The following MAP3K5 variants were observed in gnomAD, a reference collection of about 807,000 sequenced individuals.
The protein encoded by MAP3K5 is ASK-1.
Under a neutral mutation model 158.7 loss-of-function variants are expected in MAP3K5, and 56 were observed. That is an observed-to-expected ratio of 0.35 (90% CI 0.28 to 0.44). MAP3K5 has a LOEUF of 0.44. MAP3K5 is among the 20% of genes least tolerant of loss of function. The pLI, the probability that MAP3K5 is intolerant of heterozygous loss-of-function variation, is 1.00. For synonymous variants in MAP3K5, 579 were observed against 601.7 expected, an observed-to-expected ratio of 0.96 and a Z score of 0.55; for missense variants, 1,294 against 1,674.8, an observed-to-expected ratio of 0.77 and a Z score of 3.97.
chr6:136,562,533 T>C lies in MAP3K5; in HGVS notation c.3844A>G (p.Lys1282Glu), dbSNP rs1830560264. 1.2e-6 allele frequency: 2 copies of C among 1,601,874 alleles called. No individual in the cohort carries two copies. ...RAIEEKDQEIKHLKLKSQPIE... is the reference protein window; with the variant it reads ...RAIEEKDQEIEHLKLKSQPIE... The stretch of plus-strand genomic sequence containing the variant: ...GGTTGGGACTTAAGCTTCAGGTGTT[T>C]AATTTCTTGGTCTTTTTCTTCAATA... Residue 1282 changes from lysine to glutamate, a missense_variant, in exon 27 of 30, where the codon AAA (lysine) becomes GAA (glutamate). Around this residue, in one of 5 missense-constraint regions of MAP3K5, gnomAD observed 199 missense variants for 220.3 expected, o/e 0.90. Transcript: ENST00000359015.
intron 1 of MAP3K5, among the ~76,000 whole-genome samples, chr6:136,744,267 A>C (rs1782837384): frequency 6.6e-6 from 1 of 152,104 alleles, no homozygotes. Flanking sequence ...GTGGGAGGGT[A>C]AGGAGTTTAT....
At chr6:136,617,610 A>G (rs1776620493) in intron 15 of MAP3K5, among the ~76,000 whole-genome samples, 1 of 152,122 alleles carries the variant, frequency 6.6e-6, no homozygotes, top group African/African-American at 2.4e-5. Flanking sequence ...GTTGTCTCTC[A>G]TATACAGCTG....
intron 1 of MAP3K5, among the ~76,000 whole-genome samples, chr6:136,753,654 A>C (rs951117479): frequency 6.6e-6 from 1 of 152,140 alleles, no homozygotes; most frequent in Admixed American, 6.5e-5. Context: ...ATGCTTATTC[A>C]CTCTCCACAA....
chr6:136,670,198 A>G (rs896566511), intron 7 of MAP3K5, among the ~76,000 whole-genome samples: 45 of 152,132 alleles, frequency 3.0e-4, no homozygotes, highest in African/African-American at 1.1e-3. Context: ...AAATACTTCA[A>G]TATTTAAAAG....
At chr6:136,666,197 C>T (rs1779224107) in intron 8 of MAP3K5, among the ~76,000 whole-genome samples, 1 of 152,128 alleles carries the variant, frequency 6.6e-6, no homozygotes, top group Non-Finnish European at 1.5e-5. Context: ...AAAAGTAAAA[C>T]ACAGATCCAT....
chr6:136,636,792 A>G, intron 14 of MAP3K5: 1 of 967,596 alleles, frequency 1.0e-6, no homozygotes. Context: ...AAATAAAAAT[A>G]AAAACCATAT....
At chr6:136,664,827 A>C (rs1045372786) in intron 8 of MAP3K5, among the ~76,000 whole-genome samples, 3 of 152,208 alleles carry the variant, frequency 2.0e-5, no homozygotes, top group Non-Finnish European at 1.5e-5. Flanking sequence ...GCTACTTAGA[A>C]GGCTGCAGCA....
intron 7 of MAP3K5, among the ~76,000 whole-genome samples, chr6:136,674,561 A>C (rs1779622256): frequency 6.6e-6 from 1 of 152,004 alleles, no homozygotes; most frequent in Non-Finnish European, 1.5e-5. Flanking sequence ...AAGACCAATA[A>C]AAAATAAATA....
intron 14 of MAP3K5, among the ~76,000 whole-genome samples, chr6:136,632,295 C>T (rs1777406076): frequency 6.6e-6 from 1 of 151,950 alleles, no homozygotes; most frequent in African/African-American, 2.4e-5. Context: ...CCAAGGCAGG[C>T]AGATCACTTG....
At position 136,616,954 on chromosome 6, in the gene MAP3K5, G is replaced by A. The variant is rs2237266; in HGVS notation, c.2151-2668C>T. On this transcript the variant is annotated intron_variant, in intron 15 of 29. Transcript: ENST00000359015. ...GCTAGTCTCAAACTCCTGAGCTCAA[G>A]TGATCCGCCAGCCTCAGCCTCCCAA... is the stretch of plus-strand genomic sequence containing the variant. Among the ~76,000 whole-genome samples the A allele has an allele frequency of 0.014, 2,084 of 151,860 alleles. 122 individuals are homozygous for A. The East Asian group carries it at 0.15, about 11-fold the overall frequency.
chr6:136,770,326 G>A (rs954967460), intron 1 of MAP3K5, among the ~76,000 whole-genome samples: 2 of 152,054 alleles, frequency 1.3e-5, no homozygotes, highest in African/African-American at 4.8e-5. Flanking sequence ...AGTAGAAAAG[G>A]TTAAATTATC....
At chr6:136,690,538 G>A (rs149171418) in intron 7 of MAP3K5, among the ~76,000 whole-genome samples, 3 of 152,126 alleles carry the variant, frequency 2.0e-5, no homozygotes, top group African/African-American at 7.2e-5. Context: ...ATAAATTTTG[G>A]TTAATCTGAA....
At position 136,694,261 on chromosome 6, in the gene MAP3K5, T is replaced by C; in HGVS notation, c.1132A>G (p.Met378Val). Residue 378 changes from methionine to valine, a missense_variant, in exon 7 of 30, where the codon ATG (methionine) becomes GTG (valine). Physicochemically the swap from Met to Val is conservative, Grantham distance 21 (BLOSUM62 1). This residue lies in a region of MAP3K5 where 690 missense variants were observed against 870.5 expected (regional missense o/e 0.79). Coordinates refer to ENST00000359015, the MANE Select transcript of MAP3K5 (RefSeq NM_005923.4). ...GCAACTTGTCCTTCGCTTTGCACCA[T>C]GGGAATCATAATATCAAGAGCTTTT... ...RAKALDIMIP[M>V]VQSEGQVASD... The C allele has an allele frequency of 3.7e-6, 6 of 1,613,474 alleles. No individual in the cohort carries two copies. Among genetic ancestry groups the C allele is most frequent in the Non-Finnish European group, 5.1e-6 (6 of 1,179,924 alleles).
At position 136,592,532 on chromosome 6, in the gene MAP3K5, G is replaced by C; in HGVS notation, c.2961C>G (p.Pro987=). 1.2e-6 allele frequency: 2 copies of C among 1,613,850 alleles called. No homozygotes were observed. The highest frequency in any genetic ancestry group is 2.2e-5 in the South Asian group (2 of 91,058). The change falls in exon 22 of 30, where the codon CCC becomes CCG. Residue 987 remains proline (P), a synonymous_variant. Transcript: ENST00000359015. The part of the protein sequence containing the change: ...SSSSEYGSVS[P]DTELKVDPFS... Reference sequence around the variant, plus strand: ...AGGGGTCCACTTTCAACTCCGTGTCGGGTGAAACTGAGCCGTACTCACTGC... The same window carrying C: ...AGGGGTCCACTTTCAACTCCGTGTCCGGTGAAACTGAGCCGTACTCACTGC...
intron 1 of MAP3K5, among the ~76,000 whole-genome samples, chr6:136,768,559 T>A (rs574443950): frequency 2.0e-5 from 3 of 152,208 alleles, no homozygotes; most frequent in African/African-American, 4.8e-5. Context: ...CTGGTGAAGA[T>A]GTTGAGAAAC....
intron 18 of MAP3K5, 98 bp downstream of exon 18, chr6:136,611,184 G>T: frequency 3.7e-6 from 2 of 539,830 alleles, no homozygotes; most frequent in Non-Finnish European, 3.6e-6. Flanking sequence ...ATTACTGTGT[G>T]TGAGAACACC....
intron 14 of MAP3K5, among the ~76,000 whole-genome samples, chr6:136,636,599 C>T (rs1289424486): frequency 2.0e-5 from 3 of 152,082 alleles, no homozygotes; most frequent in Non-Finnish European, 4.4e-5. Context: ...TGGAGGAAGG[C>T]TCTTCTTCAC....
At chr6:136,763,290 G>C (rs2114976760) in intron 1 of MAP3K5, among the ~76,000 whole-genome samples, 1 of 152,164 alleles carries the variant, frequency 6.6e-6, no homozygotes, top group East Asian at 1.9e-4. Flanking sequence ...TGAAGTCTTG[G>C]ATGAGTAAAC....
At chr6:136,592,103 G>A (rs1195503903) in intron 23 of MAP3K5, 70 bp downstream of exon 23, 13 of 1,380,826 alleles carry the variant, frequency 9.4e-6, no homozygotes, top group Middle Eastern at 2.3e-4. Context: ...ATCTGTGACA[G>A]CTGCAGGCGG....
Sources: allele counts gnomAD v4.1 joint callset (sites outside exome capture counted in the v4.1 genomes callset), GRCh38; gene constraint gnomAD v4.1.1; regional missense constraint gnomAD v4.1.1; transcripts MANE v1.5; gene names NCBI Gene and HGNC (gene_info 2026-07-23, HGNC 2026-07-21).